GRIN2A: variants seen among roughly 807,000 people sequenced by gnomAD.
The protein encoded by GRIN2A is glutamate receptor ionotropic, NMDA 2A.
In GRIN2A, 22 loss-of-function variants were observed where a neutral mutation model predicts 113.4. The ratio of observed to expected loss-of-function variants is 0.19; its 90% CI spans 0.14 to 0.28. The LOEUF (loss-of-function observed/expected upper bound fraction) is 0.28. GRIN2A is among the 10% of genes least tolerant of loss of function. GRIN2A has a pLI of 1.00. For synonymous variants in GRIN2A, 827 were observed against 738.4 expected, an observed-to-expected ratio of 1.12 and a Z score of -1.94; for missense variants, 1,502 against 1,887.0, an observed-to-expected ratio of 0.80 and a Z score of 3.78.
chr16:9,955,717 A>C (rs1490022834), intron 2 of GRIN2A, among the ~76,000 whole-genome samples: 1 of 152,184 alleles, frequency 6.6e-6, no homozygotes, highest in Non-Finnish European at 1.5e-5. Flanking sequence ...TAGAAGCCTA[A>C]TTCCATTTTT....
chr16:9,987,557 C>CA (rs1476062681), intron 2 of GRIN2A, among the ~76,000 whole-genome samples: 5 of 152,142 alleles, frequency 3.3e-5, no homozygotes, highest in Non-Finnish European at 5.9e-5. Flanking sequence ...GAGTAGCATA[C>CA]AAAAAATATC....
rs553874602 is a variant in GRIN2A at position 9,758,037 on chromosome 16, G to A, written c.*5112C>T. On this transcript the variant is annotated 3_prime_UTR_variant, in exon 13 of 13. Coordinates refer to ENST00000330684, the MANE Select transcript of GRIN2A (RefSeq NM_001134407.3). ...GAACCATGTCTTGGATCTAATCCTC[G>A]CTCTGATACTCTCTAACTTGATGAT... 1.7e-4 allele frequency: 37 copies of A among 214,002 alleles called. No homozygotes were observed. In the South Asian group the frequency reaches 3.0e-3, roughly 17 times the overall value. The allele number at this position is 214,002 out of a possible 1,614,324, so 13.3% of individuals were successfully genotyped here. A position where few individuals can be genotyped will look rare whatever the true frequency, so the allele number is the denominator to read the frequency against.
intron 2 of GRIN2A, among the ~76,000 whole-genome samples, chr16:9,943,769 C>A (rs1371670091): frequency 6.6e-6 from 1 of 152,168 alleles, no homozygotes; most frequent in South Asian, 2.1e-4. Flanking sequence ...CAGTGGCTCT[C>A]ATTCCTGGCT....
At chr16:10,156,713 T>TA (rs1206061379) in intron 2 of GRIN2A, among the ~76,000 whole-genome samples, 2 of 152,184 alleles carry the variant, frequency 1.3e-5, no homozygotes, top group African/African-American at 4.8e-5. Context: ...ACTTAAAACT[T>TA]AAAGGACTTA....
At chr16:10,029,035 C>T (rs1244098612) in intron 2 of GRIN2A, among the ~76,000 whole-genome samples, 1 of 152,138 alleles carries the variant, frequency 6.6e-6, no homozygotes, top group Non-Finnish European at 1.5e-5. Flanking sequence ...TAATAATCCA[C>T]AACCAAATGC....
intron 2 of GRIN2A, among the ~76,000 whole-genome samples, chr16:10,067,752 G>A (rs2047676904): frequency 6.6e-6 from 1 of 152,036 alleles, no homozygotes; most frequent in African/African-American, 2.4e-5. Flanking sequence ...CCACCCCAAG[G>A]GACATTGGCA....
At chr16:10,172,264 A>C (rs1269481810) in intron 2 of GRIN2A, among the ~76,000 whole-genome samples, 1 of 152,220 alleles carries the variant, frequency 6.6e-6, no homozygotes, top group Non-Finnish European at 1.5e-5. Flanking sequence ...GTTTTCTTGG[A>C]TCTTCCAACT....
chr16:9,844,104 T>C (rs941864118), intron 5 of GRIN2A, among the ~76,000 whole-genome samples: 8 of 152,160 alleles, frequency 5.3e-5, no homozygotes, highest in African/African-American at 1.9e-4. Context: ...AGGCTCTTCC[T>C]TCACCTGGTC....
chr16:10,071,287 G>T (rs1019519175), intron 2 of GRIN2A, among the ~76,000 whole-genome samples: 1 of 152,290 alleles, frequency 6.6e-6, no homozygotes, highest in Non-Finnish European at 1.5e-5. Flanking sequence ...AATGTAGGAA[G>T]CTTATTGGTT....
rs2141149735 is a variant in GRIN2A at position 9,768,884 on chromosome 16, G to A, written c.2562C>T (p.Ser854=). 1.2e-6 allele frequency: 2 copies of A among 1,614,088 alleles called. No homozygotes were observed. The highest frequency in any genetic ancestry group is 1.7e-6 in the Non-Finnish European group (2 of 1,179,960). The change falls in exon 12 of 13, where the codon TCC becomes TCT. Residue 854 remains serine (S), a synonymous_variant. Coordinates refer to ENST00000330684, the MANE Select transcript of GRIN2A (RefSeq NM_001134407.3). Reference sequence around the variant, plus strand: ...TGGAGAAGAGCAACCCAGGCCGGTCGGAGCACACGCCCGTGAAACAGAAGC... The same window carrying A: ...TGGAGAAGAGCAACCCAGGCCGGTCAGAGCACACGCCCGTGAAACAGAAGC... ...KLRFCFTGVC[S]DRPGLLFSIS... is the part of the protein sequence containing the mutation.
At chr16:9,857,873 C>T (rs2042995561) in intron 4 of GRIN2A, among the ~76,000 whole-genome samples, 1 of 152,312 alleles carries the variant, frequency 6.6e-6, no homozygotes, top group African/African-American at 2.4e-5. Context: ...TTAATTTAGA[C>T]ACAGTTTTTA....
rs773522120 is a variant in GRIN2A at position 9,990,835 on chromosome 16, G to C, written c.415-52284C>G. The stretch of plus-strand genomic sequence containing the variant: ...TAATCCAAGCACTTTGGGAGGCCGA[G>C]GCAGGTGGATCACCTGAAGTCAGGA... On this transcript the variant is annotated intron_variant, in intron 2 of 12. Transcript: ENST00000330684. Among the ~76,000 whole-genome samples the C allele has an allele frequency of 8.5e-5, 13 of 152,292 alleles. No individual in the cohort carries two copies. In the South Asian group the frequency reaches 1.2e-3, roughly 15 times the overall value.
intron 4 of GRIN2A, among the ~76,000 whole-genome samples, chr16:9,877,296 C>T (rs938263588): frequency 3.3e-5 from 5 of 152,124 alleles, no homozygotes; most frequent in Non-Finnish European, 7.4e-5. Context: ...TATTTATTTA[C>T]GTCATATTCA....
chr16:10,132,340 C>CAAAAAAAAAAAAAA lies in GRIN2A; in HGVS notation c.414+47644_414+47657dup, dbSNP rs71402435. ...GAATGAGCAGAACAAGACACCGTCT[C>CAAAAAAAAAAAAAA]AAAAAAAAAAAAAAAAAAGATGTGA... On this transcript the variant is annotated intron_variant, in intron 2 of 12. Transcript: ENST00000330684. Among the ~76,000 whole-genome samples the CAAAAAAAAAAAAAA allele has an allele frequency of 4.1e-3, 255 of 61,446 alleles. 10 individuals are homozygous for CAAAAAAAAAAAAAA. Among genetic ancestry groups the CAAAAAAAAAAAAAA allele is most frequent in the East Asian group, 0.013 (18 of 1,350 alleles). The allele number at this position is 61,446 out of a possible 152,430, so 40.3% of individuals were successfully genotyped here.
intron 3 of GRIN2A, among the ~76,000 whole-genome samples, chr16:9,915,689 G>A (rs761825012): frequency 6.6e-6 from 1 of 152,162 alleles, no homozygotes; most frequent in South Asian, 2.1e-4. Context: ...GGTAGTTTAG[G>A]TGGTGGTGAC....
chr16:10,084,567 A>G (rs1424058373), intron 2 of GRIN2A, among the ~76,000 whole-genome samples: 2 of 152,186 alleles, frequency 1.3e-5, no homozygotes, highest in South Asian at 2.1e-4. Context: ...ATTCTCTAGC[A>G]AAATCTCATT....
intron 2 of GRIN2A, among the ~76,000 whole-genome samples, chr16:10,140,216 AT>A (rs940083329): frequency 1.9e-4 from 29 of 152,142 alleles, no homozygotes; most frequent in Non-Finnish European, 4.3e-4. Context: ...CTGTTAATTC[AT>A]TTTTTTAAAT....
chr16:10,086,622 A>G (rs975402132), intron 2 of GRIN2A, among the ~76,000 whole-genome samples: 4 of 151,716 alleles, frequency 2.6e-5, no homozygotes, highest in Non-Finnish European at 4.4e-5. Flanking sequence ...AAAAAAAAAA[A>G]AAAAGGAAAC....
chr16:9,951,508 T>C (rs780579627), intron 2 of GRIN2A, among the ~76,000 whole-genome samples: 2 of 152,168 alleles, frequency 1.3e-5, no homozygotes, highest in Non-Finnish European at 2.9e-5. Flanking sequence ...GTTTGTTCTC[T>C]TCAGCAAGTA....
Sources: allele counts gnomAD v4.1 joint callset (sites outside exome capture counted in the v4.1 genomes callset), GRCh38; gene constraint gnomAD v4.1.1; transcripts MANE v1.5; gene names NCBI Gene and HGNC (gene_info 2026-07-23, HGNC 2026-07-21).